Variants in KCNIP4 observed in about 807,000 individuals in gnomAD.
KCNIP4 encodes potassium voltage-gated channel interacting protein 4.
A neutral mutation model predicts 34.0 loss-of-function variants in KCNIP4; 12 were observed. That is an observed-to-expected ratio of 0.35 (90% CI 0.23 to 0.57). KCNIP4 has a LOEUF of 0.57. Among genes scored for constraint, KCNIP4 ranks in the 20% least tolerant of loss-of-function variants. The probability of loss-of-function intolerance (pLI) is 0.83; values close to 1 mark genes in which losing one functional copy is unlikely to be tolerated. For synonymous variants in KCNIP4, 124 were observed against 102.2 expected (o/e 1.21, Z -1.29); for missense variants, 238 against 311.7 (o/e 0.76, Z 1.78).
intron 1 of KCNIP4, among the ~76,000 whole-genome samples, chr4:21,212,369 T>C (rs551174356): frequency 1.3e-5 from 2 of 152,334 alleles, no homozygotes; most frequent in Admixed American, 1.3e-4. Flanking sequence ...GTAATTTCTC[T>C]TGGAACCTGG....
intron 1 of KCNIP4, among the ~76,000 whole-genome samples, chr4:21,367,556 C>T (rs1266935366): frequency 7.6e-6 from 1 of 132,226 alleles, no homozygotes; most frequent in Non-Finnish European, 1.5e-5. Flanking sequence ...CTTAGCAAGT[C>T]ATACATTTTA....
intron 1 of KCNIP4, among the ~76,000 whole-genome samples, chr4:21,944,941 C>A (rs1261790043): frequency 6.6e-6 from 1 of 152,108 alleles, no homozygotes. Context: ...TTCAGACTTG[C>A]AAAGGATCCT....
At chr4:21,866,398 T>C (rs1725415895) in intron 1 of KCNIP4, among the ~76,000 whole-genome samples, 1 of 152,222 alleles carries the variant, frequency 6.6e-6, no homozygotes, top group Admixed American at 6.5e-5. Context: ...ATAAACCTGT[T>C]GTCTTTTGCC....
chr4:21,396,823 A>C (rs77546087), intron 1 of KCNIP4, among the ~76,000 whole-genome samples: 16 of 152,302 alleles, frequency 1.1e-4, no homozygotes, highest in East Asian at 3.9e-4. Context: ...AGAAGGCTAG[A>C]AAACAGATTC....
In KCNIP4 at chr4:21,555,780, T is replaced by A. The variant is rs373469263; in HGVS notation, c.61+392791A>T. ...CTATCTAGAGCATCTAAAGTGAGAG[T>A]CTCTTGTCACACATCTAGACAAAAT... is the stretch of plus-strand genomic sequence containing the variant. On this transcript the variant is annotated intron_variant, in intron 1 of 8. Coordinates refer to ENST00000382152, the MANE Select transcript of KCNIP4 (RefSeq NM_025221.6). 1.7e-3 allele frequency among the ~76,000 whole-genome samples: 254 copies of A among 152,090 alleles called. 11 individuals carry two copies. The South Asian group carries it at 0.046, about 28-fold the overall frequency.
chr4:21,918,754 C>CCTTTTGTTTTA, intron 1 of KCNIP4, among the ~76,000 whole-genome samples: 2 of 152,128 alleles, frequency 1.3e-5, no homozygotes, highest in African/African-American at 4.8e-5. Flanking sequence ...AGTGTCCGGT[C>CCTTTTGTTTTA]AGATCACTAA....
intron 1 of KCNIP4, among the ~76,000 whole-genome samples, chr4:21,177,317 T>C (rs1317390221): frequency 6.6e-6 from 1 of 152,122 alleles, no homozygotes; most frequent in African/African-American, 2.4e-5. Context: ...TTTAATTCAA[T>C]AAGAATAAAC....
At chr4:21,120,573 T>C (rs1221491051) in intron 1 of KCNIP4, among the ~76,000 whole-genome samples, 1 of 152,202 alleles carries the variant, frequency 6.6e-6, no homozygotes, top group Non-Finnish European at 1.5e-5. Context: ...AATGCACATC[T>C]TACGTGGTGA....
intron 1 of KCNIP4, among the ~76,000 whole-genome samples, chr4:21,168,648 G>A (rs1312169362): frequency 2.0e-5 from 3 of 152,164 alleles, no homozygotes; most frequent in Admixed American, 2.0e-4. Context: ...AGAAAGATTA[G>A]GGAGATAACT....
chr4:20,749,818 C>A, intron 4 of KCNIP4, 86 bp from the exon 5 acceptor site: 1 of 814,278 alleles, frequency 1.2e-6, no homozygotes, highest in Non-Finnish European at 2.0e-6. Flanking sequence ...TTCCTTTGAT[C>A]CAGAAGAATT....
chr4:20,782,939 A>G (rs1029162324), intron 3 of KCNIP4, among the ~76,000 whole-genome samples: 4 of 152,168 alleles, frequency 2.6e-5, no homozygotes, highest in African/African-American at 9.7e-5. Context: ...ACAGCACCCA[A>G]GTCACCTCTT....
At chr4:21,485,966 T>C (rs1051502927) in intron 1 of KCNIP4, among the ~76,000 whole-genome samples, 6 of 137,174 alleles carry the variant, frequency 4.4e-5, no homozygotes, top group Non-Finnish European at 6.7e-5. Context: ...TCCCACAGCC[T>C]GGGATTTGGT....
At chr4:21,697,170 A>G (rs1712409504) in intron 1 of KCNIP4, among the ~76,000 whole-genome samples, 1 of 152,044 alleles carries the variant, frequency 6.6e-6, no homozygotes, top group East Asian at 1.9e-4. Context: ...TCTACCCCCA[A>G]AAGAGCTGCA....
intron 3 of KCNIP4, among the ~76,000 whole-genome samples, chr4:20,789,593 A>G (rs988210242): frequency 1.3e-5 from 2 of 152,066 alleles, no homozygotes; most frequent in Non-Finnish European, 2.9e-5. Context: ...GTCTTTGACC[A>G]ATCACAAATT....
intron 2 of KCNIP4, among the ~76,000 whole-genome samples, chr4:20,867,283 A>T (rs892936748): frequency 4.2e-5 from 6 of 142,896 alleles, no homozygotes; most frequent in Non-Finnish European, 9.3e-5. Context: ...TCTACTATAA[A>T]GCCACAGTAA....
At chr4:20,905,689 T>C (rs1412716513) in intron 1 of KCNIP4, among the ~76,000 whole-genome samples, 1 of 151,166 alleles carries the variant, frequency 6.6e-6, no homozygotes. Context: ...GTTTTGAAAT[T>C]TTTTTTTTTT....
chr4:21,854,165 G>C (rs941436060), intron 1 of KCNIP4, among the ~76,000 whole-genome samples: 20 of 152,224 alleles, frequency 1.3e-4, no homozygotes, highest in African/African-American at 4.3e-4. Flanking sequence ...AGGCATATAC[G>C]CACAAGCTGA....
intron 1 of KCNIP4, among the ~76,000 whole-genome samples, chr4:20,886,831 T>A (rs1287898739): frequency 6.6e-6 from 1 of 152,184 alleles, no homozygotes; most frequent in Non-Finnish European, 1.5e-5. Context: ...ATTCAATATA[T>A]TTTAAAAGAA....
intron 1 of KCNIP4, among the ~76,000 whole-genome samples, chr4:21,171,092 G>C (rs1350693406): frequency 6.6e-6 from 1 of 152,138 alleles, no homozygotes; most frequent in Non-Finnish European, 1.5e-5. Context: ...TCAAGTTTGA[G>C]TTACAAATAA....
Sources: allele counts gnomAD v4.1 joint callset (sites outside exome capture counted in the v4.1 genomes callset), GRCh38; gene constraint gnomAD v4.1.1; transcripts MANE v1.5; gene names NCBI Gene and HGNC (gene_info 2026-07-23, HGNC 2026-07-21).